The following NPAS3 variants were observed in gnomAD, a reference collection of about 807,000 sequenced individuals.
NPAS3 encodes neuronal PAS domain-containing protein 3.
Under a neutral mutation model 73.1 loss-of-function variants are expected in NPAS3, and 14 were observed. The ratio of observed to expected loss-of-function variants is 0.19; its 90% CI spans 0.13 to 0.30. The LOEUF (loss-of-function observed/expected upper bound fraction) is 0.30. Among genes scored for constraint, NPAS3 ranks in the 10% least tolerant of loss-of-function variants. The pLI is 1.00. For synonymous variants in NPAS3, 620 were observed against 541.5 expected (o/e 1.14, Z -2.01); for missense variants, 1,096 against 1,250.0 (o/e 0.88, Z 1.86).
At chr14:33,016,023 G>A (rs1336195280) in intron 1 of NPAS3, among the ~76,000 whole-genome samples, 2 of 152,076 alleles carry the variant, frequency 1.3e-5, no homozygotes, top group Non-Finnish European at 2.9e-5. Context: ...ACTATCAGTC[G>A]TGTAGGTATA....
chr14:33,720,551 C>T (rs555132219), intron 6 of NPAS3, among the ~76,000 whole-genome samples: 10 of 152,292 alleles, frequency 6.6e-5, no homozygotes, highest in African/African-American at 2.2e-4. Flanking sequence ...TTCTCAAGCA[C>T]ATTACTGTCA....
At chr14:33,049,611 A>T (rs1226401168) in intron 1 of NPAS3, among the ~76,000 whole-genome samples, 5 of 152,224 alleles carry the variant, frequency 3.3e-5, no homozygotes, top group Non-Finnish European at 5.9e-5. Context: ...TGATTCAGTC[A>T]TCTCCCACTG....
At chr14:33,616,803 G>A (rs1423954412) in intron 5 of NPAS3, among the ~76,000 whole-genome samples, 1 of 152,168 alleles carries the variant, frequency 6.6e-6, no homozygotes, top group Non-Finnish European at 1.5e-5. Flanking sequence ...AAAACATAGT[G>A]ATCTGTCATG....
chr14:33,208,676 T>C (rs1446594633), intron 2 of NPAS3, among the ~76,000 whole-genome samples: 1 of 152,176 alleles, frequency 6.6e-6, no homozygotes, highest in Non-Finnish European at 1.5e-5. Context: ...TCATTTCACA[T>C]GTTAAATGAG....
intron 2 of NPAS3, among the ~76,000 whole-genome samples, chr14:33,159,734 G>T (rs8005998): frequency 0.67 from 102,156 of 151,626 alleles, 35,168 homozygotes; most frequent in African/African-American, 0.83. Flanking sequence ...TTTGTATTTT[G>T]AGTAGAGACG....
intron 4 of NPAS3, among the ~76,000 whole-genome samples, chr14:33,482,506 T>G (rs780263487): frequency 6.6e-6 from 1 of 152,170 alleles, no homozygotes; most frequent in Non-Finnish European, 1.5e-5. Context: ...TTACAGAAGT[T>G]GAAACGTGGT....
At chr14:33,397,590 G>A (rs544284581) in intron 4 of NPAS3, among the ~76,000 whole-genome samples, 1 of 152,198 alleles carries the variant, frequency 6.6e-6, no homozygotes, top group East Asian at 1.9e-4. Flanking sequence ...GTTGCTAATA[G>A]TTTCCATTGC....
chr14:33,686,030 AAGG>A (rs2060079544), intron 6 of NPAS3, among the ~76,000 whole-genome samples: 1 of 152,228 alleles, frequency 6.6e-6, no homozygotes, highest in Non-Finnish European at 1.5e-5. Context: ...CTAGAGAAGG[AAGG>A]AGGAGATAGT....
At chr14:33,764,884 C>A (rs143738639) in intron 7 of NPAS3, among the ~76,000 whole-genome samples, 1 of 152,304 alleles carries the variant, frequency 6.6e-6, no homozygotes, top group African/African-American at 2.4e-5. Flanking sequence ...AACAATTTAT[C>A]GAGGTGTTTC....
chr14:33,162,951 G>A (rs559124824), intron 2 of NPAS3, among the ~76,000 whole-genome samples: 6 of 152,106 alleles, frequency 3.9e-5, no homozygotes, highest in South Asian at 2.1e-4. Context: ...TCAACACTGG[G>A]AATCTAGAAA....
intron 2 of NPAS3, among the ~76,000 whole-genome samples, chr14:33,177,498 T>TA (rs958874332): frequency 1.3e-4 from 20 of 151,418 alleles, no homozygotes; most frequent in South Asian, 4.2e-4. Flanking sequence ...TCCTATAATG[T>TA]AAAAAAAAAG....
intron 4 of NPAS3, among the ~76,000 whole-genome samples, chr14:33,375,322 G>A (rs1053717782): frequency 1.3e-5 from 2 of 152,054 alleles, no homozygotes; most frequent in Admixed American, 1.3e-4. Flanking sequence ...GCCTCTACAG[G>A]GATTTTTCAT....
intron 8 of NPAS3, among the ~76,000 whole-genome samples, chr14:33,776,281 G>A (rs1247006527): frequency 6.6e-6 from 1 of 151,878 alleles, no homozygotes; most frequent in African/African-American, 2.4e-5. Flanking sequence ...TTGCTTTTTT[G>A]AAAACACACA....
chr14:33,363,251 A>G (rs1023778933), intron 3 of NPAS3, among the ~76,000 whole-genome samples: 2 of 152,168 alleles, frequency 1.3e-5, no homozygotes, highest in Non-Finnish European at 2.9e-5. Context: ...GTATTCCCCA[A>G]AGAAGGGTTG....
At chr14:33,474,422 CAT>C (rs1350988148) in intron 4 of NPAS3, among the ~76,000 whole-genome samples, 5 of 151,942 alleles carry the variant, frequency 3.3e-5, no homozygotes, top group South Asian at 2.1e-4. Flanking sequence ...ACATACAAAA[CAT>C]ATGTGTTACT....
intron 4 of NPAS3, among the ~76,000 whole-genome samples, chr14:33,407,759 A>G (rs1379176002): frequency 6.6e-6 from 1 of 152,058 alleles, no homozygotes; most frequent in Non-Finnish European, 1.5e-5. Flanking sequence ...TGAGTACTAA[A>G]CACAGATATC....
chr14:32,935,563 C>G (rs2035670283), upstream of NPAS3, among the ~76,000 whole-genome samples: 1 of 152,208 alleles, frequency 6.6e-6, no homozygotes, highest in Non-Finnish European at 1.5e-5. Flanking sequence ...AAGTATTCAT[C>G]TTAAACGCAT....
chr14:33,363,387 C>T (rs1413227985), intron 3 of NPAS3, among the ~76,000 whole-genome samples: 1 of 152,310 alleles, frequency 6.6e-6, no homozygotes, highest in Middle Eastern at 3.4e-3. Context: ...ATGTTTTAGA[C>T]TGTGGTTCCC....
chr14:33,022,533 C>T (rs901777213), intron 1 of NPAS3, among the ~76,000 whole-genome samples: 1 of 151,914 alleles, frequency 6.6e-6, no homozygotes, highest in Middle Eastern at 3.2e-3. Context: ...GGCGTGGTGG[C>T]GGGAGCCTGT....
Sources: allele counts gnomAD v4.1 joint callset (sites outside exome capture counted in the v4.1 genomes callset), GRCh38; gene constraint gnomAD v4.1.1; transcripts MANE v1.5; gene names NCBI Gene and HGNC (gene_info 2026-07-23, HGNC 2026-07-21).